CHDH: variants seen among roughly 807,000 people sequenced by gnomAD.
CHDH encodes choline dehydrogenase.
Under a neutral mutation model 56.9 loss-of-function variants are expected in CHDH, and 43 were observed. The ratio of observed to expected loss-of-function variants is 0.76; its 90% CI spans 0.59 to 0.97. The LOEUF is 0.97. Among genes scored for constraint, CHDH ranks in the 50% least tolerant of loss-of-function variants. CHDH has a pLI of 0.00. For missense variants in CHDH, 816 were observed against 821.1 expected (o/e 0.99, Z 0.08); for synonymous variants, 364 against 348.5 (o/e 1.04, Z -0.50).
intron 5 of CHDH, 30 bp downstream of exon 5, chr3:53,821,617 C>T: frequency 6.2e-7 from 1 of 1,604,512 alleles, no homozygotes; most frequent in East Asian, 2.2e-5. Context: ...CAGAGACAGC[C>T]TCTGGGGAGC....
chr3:53,844,392 C>T (rs1298387656), intron 1 of CHDH, among the ~76,000 whole-genome samples: 1 of 152,180 alleles, frequency 6.6e-6, no homozygotes, highest in Non-Finnish European at 1.5e-5. Flanking sequence ...ACCAACCAGC[C>T]TCAGTGCCCT....
rs760187147 is a variant in CHDH at position 53,820,489 on chromosome 3, G to A, written c.1105C>T (p.Leu369Phe). The A allele has an allele frequency of 6.2e-7, 1 of 1,612,842 alleles. No homozygotes were observed. Among genetic ancestry groups the A allele is most frequent in the Admixed American group, 1.7e-5 (1 of 59,844 alleles). The change falls in exon 6 of 9, where the codon CTC (leucine) becomes TTC (phenylalanine). Residue 369 changes from leucine (L) to phenylalanine (F), a missense_variant. Transcript: ENST00000315251. ...GCGTGCTCACCTGTGAATTTCCAGA[G>A]CCACTCCAGACCAATGCAGACCTTC... is the stretch of plus-strand genomic sequence containing the variant. ...LRKVCIGLEWLWKFTGEGATA... is the reference protein window; with the variant it reads ...LRKVCIGLEWFWKFTGEGATA...
At position 53,823,405 on chromosome 3, in the gene CHDH, A is replaced by G. The variant is rs1425403246; in HGVS notation, c.604T>C (p.Phe202Leu). ...CCGGCCTGCTGCGTGGCCTCCAGGA[A>G]TGCGCAGTGCAGCGGGTGGTTGGTC... ...GKTNHPLHCAFLEATQQAGYP... is the reference protein window; with the variant it reads ...GKTNHPLHCALLEATQQAGYP... Residue 202 changes from phenylalanine to leucine, a missense_variant, in exon 3 of 9, where the codon TTC (phenylalanine) becomes CTC (leucine). Coordinates refer to ENST00000315251, the MANE Select transcript of CHDH (RefSeq NM_018397.5). 1 of 1,601,942 alleles carries G rather than the reference A, an allele frequency of 6.2e-7. No individual in the cohort carries two copies. Among genetic ancestry groups the G allele is most frequent in the East Asian group, 2.3e-5 (1 of 44,120 alleles).
chr3:53,823,217 G>A, intron 3 of CHDH, 89 bp downstream of exon 3: 1 of 1,238,360 alleles, frequency 8.1e-7, no homozygotes, highest in Non-Finnish European at 1.1e-6. Flanking sequence ...TGACCATGCT[G>A]GAGCCAGGAG....
intron 2 of CHDH, among the ~76,000 whole-genome samples, chr3:53,824,454 G>A (rs1164061996): frequency 6.6e-6 from 1 of 152,232 alleles, no homozygotes; most frequent in African/African-American, 2.4e-5. Context: ...CCTACCATGT[G>A]CTAGGCACTG....
intron 1 of CHDH, chr3:53,844,883 A>AGCTT (rs1183753201): frequency 3.9e-5 from 6 of 152,304 alleles, no homozygotes; most frequent in Admixed American, 3.9e-4. Flanking sequence ...CACAATCTTG[A>AGCTT]GCTTGCAGAC....
chr3:53,820,014 G>A (rs1030353405), intron 6 of CHDH, among the ~76,000 whole-genome samples: 3 of 152,260 alleles, frequency 2.0e-5, no homozygotes, highest in Non-Finnish European at 4.4e-5. Flanking sequence ...TACAGACTGA[G>A]TGGATGGGTA....
intron 2 of CHDH, among the ~76,000 whole-genome samples, chr3:53,839,020 A>T (rs1698591655): frequency 6.6e-6 from 1 of 152,136 alleles, no homozygotes; most frequent in South Asian, 2.1e-4. Flanking sequence ...GCTACCCCAG[A>T]ACCAACTCTC....
In CHDH at chr3:53,823,754, C is replaced by A. The variant is rs72982050; in HGVS notation, c.255G>T (p.Ser85=). The A allele has an allele frequency of 3.3e-4, 519 of 1,558,264 alleles. 4 individuals carry two copies. The African/African-American group carries it at 5.4e-3, about 16-fold the overall frequency. ...GGGCCGCGGGCATGTGGATCTTCCA[C>A]GAGAGCCGCTTGCTCCCCGCGAGCA... ...KDVLAGSKRL[S]WKIHMPAALV... Residue 85 remains serine (S), a synonymous_variant, in exon 3 of 9, where the codon TCG becomes TCT. Transcript: ENST00000315251.
Position 53,819,747 on chromosome 3 carries a change from C to T in CHDH, c.1121-73G>A. 6.9e-7 allele frequency: 1 copy of T among 1,455,036 alleles called. No homozygotes were observed. Among genetic ancestry groups the T allele is most frequent in the Non-Finnish European group, 9.1e-7 (1 of 1,093,026 alleles). 90.1% of individuals were successfully genotyped at this position (1,455,036 alleles called of 1,614,324 possible). A position where few individuals can be genotyped will look rare whatever the true frequency, so the allele number is the denominator to read the frequency against. ...AGGTGGGCCGGCTGCTCCTGGTTTC[C>T]CTCCTTTCTCCTGGCCGCTCCTCTT... is the stretch of plus-strand genomic sequence containing the variant. On this transcript the variant is annotated intron_variant, in intron 6 of 8. Coordinates refer to ENST00000315251, the MANE Select transcript of CHDH (RefSeq NM_018397.5). This position sits in a 1 kb window ranked among gnomAD's most constrained non-coding sequence, Gnocchi z 5.4.
chr3:53,841,890 T>A (rs1180574686), intron 1 of CHDH, among the ~76,000 whole-genome samples: 1 of 152,198 alleles, frequency 6.6e-6, no homozygotes, highest in Non-Finnish European at 1.5e-5. Flanking sequence ...CTCACGCCTG[T>A]AATCCCAGCA....
At position 53,819,424 on chromosome 3, in the gene CHDH, C is replaced by G. The variant is rs139043745; in HGVS notation, c.1263+108G>C. The G allele has an allele frequency of 5.8e-4, 831 of 1,438,792 alleles. 2 individuals are homozygous for G. The highest frequency in any genetic ancestry group is 1.9e-3 in the Middle Eastern group (10 of 5,226). The allele number at this position is 1,438,792 out of a possible 1,614,324, so 89.1% of individuals were successfully genotyped here. A position where few individuals can be genotyped will look rare whatever the true frequency, so the allele number is the denominator to read the frequency against. ...GGGACAGGCCTCTGTGTCCCCCACT[C>G]TGCAGCCATATGGCACCAGGGAGAA... On this transcript the variant is annotated intron_variant, in intron 7 of 8. Transcript: ENST00000315251. The surrounding 1 kb of genome is among the most constrained non-coding windows in gnomAD (Gnocchi z 5.4).
In CHDH at chr3:53,819,413, T is replaced by A. The variant is rs1032228085; in HGVS notation, c.1263+119A>T. 14 of 1,344,518 alleles carry A rather than the reference T, an allele frequency of 1.0e-5. No homozygotes were observed. Among genetic ancestry groups the A allele is most frequent in the Non-Finnish European group, 1.2e-5 (12 of 979,962 alleles). The allele number at this position is 1,344,518 out of a possible 1,614,324, so 83.3% of individuals were successfully genotyped here. ...CTGGAAGGCAGGGGACAGGCCTCTG[T>A]GTCCCCCACTCTGCAGCCATATGGC... is the stretch of plus-strand genomic sequence containing the variant. On this transcript the variant is annotated intron_variant, in intron 7 of 8. Transcript: ENST00000315251. This position sits in a 1 kb window ranked among gnomAD's most constrained non-coding sequence, Gnocchi z 5.4.
At chr3:53,822,716 G>C in intron 3 of CHDH, 74 bp from the exon 4 acceptor site, 1 of 1,535,398 alleles carries the variant, frequency 6.5e-7, no homozygotes, top group Non-Finnish European at 8.8e-7. Context: ...AGGAGCTGGA[G>C]AAAGAAAGAG....
chr3:53,845,298 C>G (rs1487588532), intron 1 of CHDH, among the ~76,000 whole-genome samples: 1 of 152,214 alleles, frequency 6.6e-6, no homozygotes, highest in Admixed American at 6.5e-5. Flanking sequence ...GCAGGTGGGC[C>G]AGGCCTGGCA....
rs567949370 is a variant in CHDH, at chr3:53,813,594, T to A, written c.*4183A>T. The A allele has an allele frequency of 1.3e-5, 2 of 152,220 alleles. No homozygotes were observed. The highest frequency in any genetic ancestry group is 2.9e-5 in the Non-Finnish European group (2 of 68,054). The allele number at this position is 152,220 out of a possible 1,614,324, so 9.4% of individuals were successfully genotyped here. On this transcript the variant is annotated 3_prime_UTR_variant, in exon 9 of 9. Coordinates refer to ENST00000315251, the MANE Select transcript of CHDH (RefSeq NM_018397.5). The stretch of plus-strand genomic sequence containing the variant: ...AAAATTGCCAGACCAGGACCCTAAG[T>A]GTCTGATAGAGGCGATGATCTTTTC...
rs748726748 is a variant in CHDH, at chr3:53,821,733, T to A, written c.899A>T (p.Asn300Ile). 2 of 1,613,348 alleles carry A rather than the reference T, an allele frequency of 1.2e-6. No individual in the cohort carries two copies. Among genetic ancestry groups the A allele is most frequent in the Non-Finnish European group, 1.7e-6 (2 of 1,179,844 alleles). Residue 300 changes from asparagine (N) to isoleucine (I), a missense_variant, in exon 5 of 9, where the codon AAC becomes ATC. Transcript: ENST00000315251. The part of the protein sequence containing the change: ...KEVILSGGAI[N>I]SPQLLMLSGI... ...AGAGAGCATGAGCAGCTGTGGAGAG[T>A]TGATGGCACCTCCACTCAGAATCAC...
chr3:53,826,749 T>G (rs2095639750), intron 2 of CHDH, among the ~76,000 whole-genome samples: 1 of 152,098 alleles, frequency 6.6e-6, no homozygotes, highest in Non-Finnish European at 1.5e-5. Context: ...GGAAGTCCTA[T>G]CTAATGCAGT....
chr3:53,812,504 G>C lies in CHDH; in HGVS notation c.*5273C>G, dbSNP rs377619326. 1.3e-4 allele frequency: 20 copies of C among 152,318 alleles called. No homozygotes were observed. Among genetic ancestry groups the C allele is most frequent in the African/African-American group, 4.8e-4 (20 of 41,568 alleles). 9.4% of individuals were successfully genotyped at this position (152,318 alleles called of 1,614,324 possible). ...TTTGCAGTCTTTTCTTTGGGCAAGA[G>C]TTCCATGATTTTGATACTGTACCTT... On this transcript the variant is annotated 3_prime_UTR_variant, in exon 9 of 9. Transcript: ENST00000315251.
Sources: gnomAD v4.1 joint callset for allele counts (sites outside exome capture counted in the v4.1 genomes callset) on GRCh38, gnomAD v4.1.1 for gene constraint, Gnocchi (gnomAD v3.1) non-coding constraint, MANE v1.5 for transcripts, NCBI Gene and HGNC (gene_info 2026-07-23, HGNC 2026-07-21) for gene names.